ZDHHC17: variants seen among roughly 807,000 people sequenced by gnomAD.
ZDHHC17 encodes the protein palmitoyltransferase ZDHHC17.
Under a neutral mutation model 90.3 loss-of-function variants are expected in ZDHHC17, and 40 were observed. That is an observed-to-expected ratio of 0.44 (90% CI 0.34 to 0.58). The LOEUF is 0.58. ZDHHC17 is among the 20% of genes least tolerant of loss of function. The probability of loss-of-function intolerance (pLI) is 0.01; values close to 1 mark genes in which losing one functional copy is unlikely to be tolerated. For missense variants in ZDHHC17, 614 were observed against 780.8 expected (o/e 0.79, Z 2.55); for synonymous variants, 235 against 252.4 (o/e 0.93, Z 0.65).
intron 1 of ZDHHC17, 51 bp downstream of exon 1, chr12:76,764,380 C>G: frequency 6.6e-7 from 1 of 1,506,106 alleles, no homozygotes; most frequent in Non-Finnish European, 9.0e-7. Context: ...TCCAGCCTTT[C>G]TTCCCCGGAC....
chr12:76,786,429 G>A (rs1448314328), intron 1 of ZDHHC17, among the ~76,000 whole-genome samples: 1 of 152,112 alleles, frequency 6.6e-6, no homozygotes, highest in Non-Finnish European at 1.5e-5. Context: ...GCTAATTTTT[G>A]TATTTTAGTA....
In ZDHHC17 at chr12:76,764,253, G is replaced by A. The variant is rs779996508; in HGVS notation, c.17G>A (p.Gly6Glu). MQREE[G>E]FNTKMADGPD... ...TCTCCCAGCATGCAGCGGGAGGAGG[G>A]ATTTAACACCAAGATGGCGGACGGC... The change falls in exon 1 of 17, where the codon GGA (glycine) becomes GAA (glutamate). Residue 6 changes from glycine to glutamate, a missense_variant. By Grantham distance (98) the Gly-to-Glu change is moderately conservative. Around this residue, in one of 5 missense-constraint regions of ZDHHC17, gnomAD observed 358 missense variants for 380.4 expected, o/e 0.94. Transcript: ENST00000426126. The A allele has an allele frequency of 1.9e-6, 3 of 1,604,908 alleles. No individual in the cohort carries two copies. Among genetic ancestry groups the A allele is most frequent in the Non-Finnish European group, 2.6e-6 (3 of 1,175,906 alleles).
At chr12:76,826,196 T>C (rs1417563444) in intron 8 of ZDHHC17, among the ~76,000 whole-genome samples, 6 of 152,174 alleles carry the variant, frequency 3.9e-5, no homozygotes, top group Non-Finnish European at 4.4e-5. Context: ...TGTGAAGGGC[T>C]CTTACATGGA....
chr12:76,801,213 CT>C (rs944501848), intron 2 of ZDHHC17, among the ~76,000 whole-genome samples: 2 of 151,364 alleles, frequency 1.3e-5, no homozygotes, highest in Non-Finnish European at 2.9e-5. Flanking sequence ...TGCCATATAG[CT>C]TTTTTTCCCT....
intron 5 of ZDHHC17, among the ~76,000 whole-genome samples, chr12:76,811,320 A>C (rs775701227): frequency 2.6e-5 from 4 of 152,242 alleles, no homozygotes; most frequent in Non-Finnish European, 4.4e-5. Flanking sequence ...GCTATAGCAC[A>C]TCACAAGGTC....
intron 1 of ZDHHC17, among the ~76,000 whole-genome samples, chr12:76,785,511 T>C (rs907163354): frequency 1.3e-5 from 2 of 152,232 alleles, no homozygotes; most frequent in Non-Finnish European, 2.9e-5. Flanking sequence ...CAGATACTTT[T>C]CTACTTATGA....
chr12:76,779,571 G>C (rs924983048), intron 1 of ZDHHC17, among the ~76,000 whole-genome samples: 1 of 152,160 alleles, frequency 6.6e-6, no homozygotes, highest in African/African-American at 2.4e-5. Context: ...CCCATGACAC[G>C]TGGGAATTAT....
At chr12:76,805,974 T>C (rs1952949360) in intron 3 of ZDHHC17, among the ~76,000 whole-genome samples, 1 of 152,216 alleles carries the variant, frequency 6.6e-6, no homozygotes, top group Non-Finnish European at 1.5e-5. Flanking sequence ...TCCATCACTG[T>C]TAATGTTTGT....
chr12:76,834,658 AAG>A (rs1052419421), intron 10 of ZDHHC17, among the ~76,000 whole-genome samples: 1 of 152,098 alleles, frequency 6.6e-6, no homozygotes, highest in African/African-American at 2.4e-5. Flanking sequence ...TTTTTCCCAC[AAG>A]AGTTTCTCTG....
At chr12:76,774,960 G>T (rs1440975419) in intron 1 of ZDHHC17, among the ~76,000 whole-genome samples, 3 of 152,014 alleles carry the variant, frequency 2.0e-5, no homozygotes, top group Non-Finnish European at 4.4e-5. Flanking sequence ...ACTGTAGCTG[G>T]GACTGCAAGT....
chr12:76,841,917 T>G, intron 10 of ZDHHC17, 65 bp from the exon 11 acceptor site: 8 of 1,232,752 alleles, frequency 6.5e-6, no homozygotes, highest in Non-Finnish European at 8.3e-6. Context: ...TTTTATAGAT[T>G]ATAAGTTTAT....
chr12:76,829,094 C>T (rs1007234718), intron 10 of ZDHHC17, among the ~76,000 whole-genome samples: 4 of 152,078 alleles, frequency 2.6e-5, no homozygotes, highest in African/African-American at 9.7e-5. Flanking sequence ...GAAAAAGGAA[C>T]GCTGTTGGTG....
chr12:76,823,322 T>C (rs1953188716), intron 8 of ZDHHC17, among the ~76,000 whole-genome samples: 1 of 152,222 alleles, frequency 6.6e-6, no homozygotes, highest in Non-Finnish European at 1.5e-5. Context: ...AGAGAGCTTA[T>C]ATTCTTGACC....
At chr12:76,833,899 A>T (rs1350281753) in intron 10 of ZDHHC17, among the ~76,000 whole-genome samples, 2 of 152,198 alleles carry the variant, frequency 1.3e-5, no homozygotes, top group Admixed American at 1.3e-4. Flanking sequence ...TTCTCTTCGT[A>T]TTATTTATAG....
At chr12:76,813,173 A>G (rs1325332074) in intron 5 of ZDHHC17, 2 of 269,046 alleles carry the variant, frequency 7.4e-6, no homozygotes, top group African/African-American at 2.3e-5. Context: ...AAGAATTTAC[A>G]TGCTTGCTTT....
chr12:76,816,680 A>T (rs772654400), intron 7 of ZDHHC17, among the ~76,000 whole-genome samples: 3 of 152,030 alleles, frequency 2.0e-5, no homozygotes, highest in Admixed American at 2.0e-4. Context: ...AAAGTAGGTT[A>T]TCTCCTGCTG....
intron 10 of ZDHHC17, chr12:76,839,982 C>T (rs915285584): frequency 3.9e-5 from 6 of 152,148 alleles, no homozygotes; most frequent in Non-Finnish European, 7.3e-5. Flanking sequence ...TCATATGAGT[C>T]TGAGTTTTAA....
intron 14 of ZDHHC17, among the ~76,000 whole-genome samples, chr12:76,847,567 C>T (rs1953509599): frequency 6.6e-6 from 1 of 152,150 alleles, no homozygotes; most frequent in South Asian, 2.1e-4. Flanking sequence ...GAAAGGCCTA[C>T]CTTGGCTGGG....
chr12:76,782,563 TA>T (rs993941077), intron 1 of ZDHHC17, among the ~76,000 whole-genome samples: 4 of 152,056 alleles, frequency 2.6e-5, no homozygotes, highest in African/African-American at 9.7e-5. Flanking sequence ...GAAAGAAACT[TA>T]AAGAAAGTTG....
Sources: allele counts gnomAD v4.1 joint callset (sites outside exome capture counted in the v4.1 genomes callset), GRCh38; gene constraint gnomAD v4.1.1; regional missense constraint gnomAD v4.1.1; transcripts MANE v1.5; gene names NCBI Gene and HGNC (gene_info 2026-07-23, HGNC 2026-07-21).